GPHN: variants seen among roughly 807,000 people sequenced by gnomAD.
The protein encoded by GPHN is gephyrin.
A neutral mutation model predicts 95.5 loss-of-function variants in GPHN; 17 were observed. The observed-to-expected ratio is 0.18, with a 90% CI of 0.12 to 0.27. The LOEUF is 0.27. Among genes scored for constraint, GPHN ranks in the 10% least tolerant of loss-of-function variants. GPHN has a pLI of 1.00. For missense variants in GPHN, 660 were observed against 978.1 expected (o/e 0.67, Z 4.34); for synonymous variants, 320 against 322.5 (o/e 0.99, Z 0.08).
intron 1 of GPHN, among the ~76,000 whole-genome samples, chr14:66,561,167 C>T (rs1030574520): frequency 2.0e-5 from 3 of 152,116 alleles, no homozygotes; most frequent in Non-Finnish European, 4.4e-5. Context: ...AGGATTTTTG[C>T]ATCAATGTTC....
rs149265989 is a variant in GPHN, at chr14:67,042,508, G to C, written c.1007-16141G>C. 5.0e-4 allele frequency among the ~76,000 whole-genome samples: 76 copies of C among 152,144 alleles called. No individual in the cohort carries two copies. The East Asian group carries it at 0.014, about 27-fold the overall frequency. The stretch of plus-strand genomic sequence containing the variant: ...AGAATATTTTCCCCATTACTTGTGT[G>C]TGTCAGGTTTGTCAAACATCACATG... On this transcript the variant is annotated intron_variant, in intron 10 of 22. Coordinates refer to ENST00000478722, the MANE Select transcript of GPHN (RefSeq NM_020806.5).
At chr14:66,620,312 A>G (rs1340848931) in intron 1 of GPHN, among the ~76,000 whole-genome samples, 2 of 152,164 alleles carry the variant, frequency 1.3e-5, no homozygotes, top group Non-Finnish European at 2.9e-5. Flanking sequence ...TCCATTTTCA[A>G]ACTGCTGATA....
intron 18 of GPHN, among the ~76,000 whole-genome samples, chr14:67,150,258 C>A (rs569058760): frequency 1.3e-5 from 2 of 151,090 alleles, no homozygotes; most frequent in Non-Finnish European, 2.9e-5. Flanking sequence ...CCGGCTAAAA[C>A]GGTGAAACCC....
At chr14:67,094,215 G>A (rs1183084474) in intron 12 of GPHN, among the ~76,000 whole-genome samples, 1 of 152,068 alleles carries the variant, frequency 6.6e-6, no homozygotes, top group Non-Finnish European at 1.5e-5. Flanking sequence ...ACAATGAGTA[G>A]TTATCTAGTG....
intron 18 of GPHN, among the ~76,000 whole-genome samples, chr14:67,144,602 C>A (rs2153706288): frequency 6.6e-6 from 1 of 152,138 alleles, no homozygotes; most frequent in Admixed American, 6.5e-5. Flanking sequence ...ACTGTCATAG[C>A]AATTTTTACC....
intron 9 of GPHN, among the ~76,000 whole-genome samples, chr14:66,982,433 TC>T (rs964454509): frequency 3.9e-5 from 6 of 152,144 alleles, no homozygotes; most frequent in African/African-American, 1.4e-4. Flanking sequence ...GAGGATAGTT[TC>T]CCCAGTAATT....
At chr14:66,659,047 T>G (rs1566775428) in intron 1 of GPHN, among the ~76,000 whole-genome samples, 1 of 151,946 alleles carries the variant, frequency 6.6e-6, no homozygotes, top group Non-Finnish European at 1.5e-5. Context: ...TTTGAGACTT[T>G]TACTGTTTTC....
chr14:67,591,442 G>T, the GPHN span, among the ~76,000 whole-genome samples: 1 of 152,138 alleles, frequency 6.6e-6, no homozygotes, highest in Non-Finnish European at 1.5e-5. Context: ...TAAATCCTTT[G>T]TGAAAAAGGT....
intron 3 of GPHN, among the ~76,000 whole-genome samples, chr14:66,796,488 C>G (rs1050082346): frequency 1.3e-5 from 2 of 151,988 alleles, no homozygotes; most frequent in African/African-American, 2.4e-5. Context: ...TACAAGGGTT[C>G]CCTTTTCTTC....
chr14:66,668,911 C>T (rs1488596637), intron 1 of GPHN, among the ~76,000 whole-genome samples: 2 of 147,658 alleles, frequency 1.4e-5, no homozygotes, highest in African/African-American at 5.0e-5. Flanking sequence ...GACAGAGTGT[C>T]GCACTGTCGC....
the GPHN span, among the ~76,000 whole-genome samples, chr14:67,437,655 A>AG: frequency 6.6e-6 from 1 of 151,824 alleles, no homozygotes; most frequent in African/African-American, 2.4e-5. Flanking sequence ...TTGCTGGAGG[A>AG]GGGGGGAGAG....
chr14:67,392,334 C>T, the GPHN span: 1 of 1,597,572 alleles, frequency 6.3e-7, no homozygotes, highest in Non-Finnish European at 8.6e-7. Flanking sequence ...ACCTGCTTGG[C>T]CAGGTAGCCT....
chr14:67,535,400 A>ATTTTTT, the GPHN span, among the ~76,000 whole-genome samples: 1 of 45,890 alleles, frequency 2.2e-5, no homozygotes. Context: ...TTTTTTTTTG[A>ATTTTTT]GCCAGAGTCT....
At chr14:66,533,960 G>C (rs544407044) in intron 1 of GPHN, among the ~76,000 whole-genome samples, 2 of 152,254 alleles carry the variant, frequency 1.3e-5, no homozygotes, top group South Asian at 4.1e-4. Flanking sequence ...CTAAGACCTA[G>C]TTAGATGATT....
the GPHN span, chr14:67,691,079 C>T: frequency 3.6e-6 from 4 of 1,114,130 alleles, no homozygotes; most frequent in Non-Finnish European, 5.5e-6. Context: ...AATCTGACCC[C>T]TAAGTTTCCC....
intron 1 of GPHN, 130 bp from the exon 2 acceptor site, chr14:66,680,977 A>G (rs1279755966): frequency 7.8e-6 from 5 of 641,518 alleles, no homozygotes; most frequent in South Asian, 3.5e-5. Flanking sequence ...AAATAAATCA[A>G]TAGTAATGTT....
the GPHN span, among the ~76,000 whole-genome samples, chr14:67,428,136 G>A: frequency 3.9e-5 from 6 of 152,012 alleles, no homozygotes; most frequent in African/African-American, 9.7e-5. Flanking sequence ...ACAGGCTGGT[G>A]TCAAACACCT....
chr14:67,170,955 A>G (rs1003543782), intron 21 of GPHN, among the ~76,000 whole-genome samples: 1 of 152,178 alleles, frequency 6.6e-6, no homozygotes, highest in Non-Finnish European at 1.5e-5. Context: ...GCCTTTACCA[A>G]TGCTTGCTGC....
chr14:67,496,743 T>TTTCC, the GPHN span, among the ~76,000 whole-genome samples: 2 of 145,022 alleles, frequency 1.4e-5, no homozygotes, highest in Admixed American at 1.4e-4. Flanking sequence ...TCTCTCTTTC[T>TTTCC]TTCCTTCCTT....
Sources: allele counts gnomAD v4.1 joint callset (sites outside exome capture counted in the v4.1 genomes callset), GRCh38; gene constraint gnomAD v4.1.1; transcripts MANE v1.5; gene names NCBI Gene and HGNC (gene_info 2026-07-23, HGNC 2026-07-21).